The following NUMBL variants were observed in gnomAD, a reference collection of about 807,000 sequenced individuals.
The protein encoded by NUMBL is numb-like protein.
NUMBL carries 20 observed loss-of-function variants against 48.9 expected under a neutral mutation model. The observed-to-expected ratio is 0.41, with a 90% confidence interval of 0.29 to 0.59. The LOEUF is 0.59. Ranked by LOEUF, NUMBL falls within the 20% of genes least tolerant of loss-of-function variation. The probability of loss-of-function intolerance (pLI) is 0.31; values close to 1 mark genes in which losing one functional copy is unlikely to be tolerated. For missense variants in NUMBL, 660 were observed against 846.2 expected, an observed-to-expected ratio of 0.78 and a Z score of 2.73; for synonymous variants, 340 against 348.7, an observed-to-expected ratio of 0.98 and a Z score of 0.28.
At chr19:40,689,098 G>A (rs2081948866) in intron 1 of NUMBL, among the ~76,000 whole-genome samples, 1 of 152,082 alleles carries the variant, frequency 6.6e-6, no homozygotes, top group South Asian at 2.1e-4. Flanking sequence ...GTCACTGGGA[G>A]GGTCACACAT....
chr19:40,673,121 C>T lies in NUMBL; in HGVS notation c.1036+223G>A, dbSNP rs1211902696. ...TAACTTGTGATGCCTTTCTACTATC[C>T]CTTACTCAGAGCAGACACGGCTTAT... is the stretch of plus-strand genomic sequence containing the variant. On this transcript the variant is annotated intron_variant, in intron 8 of 9. Coordinates refer to ENST00000252891, the MANE Select transcript of NUMBL (RefSeq NM_004756.5). The surrounding 1 kb of genome is among the most constrained non-coding windows in gnomAD (Gnocchi z 5.9). 6.6e-6 allele frequency among the ~76,000 whole-genome samples: 1 copy of T among 152,192 alleles called. No homozygotes were observed. Among genetic ancestry groups the T allele is most frequent in the Non-Finnish European group, 1.5e-5 (1 of 68,040 alleles).
In NUMBL at chr19:40,673,296, T is replaced by G. The variant is rs538581450; in HGVS notation, c.1036+48A>C. 2 of 1,536,804 alleles carry G rather than the reference T, an allele frequency of 1.3e-6. No individual in the cohort carries two copies. Among genetic ancestry groups the G allele is most frequent in the Non-Finnish European group, 1.8e-6 (2 of 1,136,408 alleles). ...GCCTCCATCCCTTGCCCACATCAGA[T>G]AGTGCCAATTGATTCCAACGCCGTT... On this transcript the variant is annotated intron_variant, in intron 8 of 9. Coordinates refer to ENST00000252891, the MANE Select transcript of NUMBL (RefSeq NM_004756.5). The surrounding 1 kb of genome is among the most constrained non-coding windows in gnomAD (Gnocchi z 5.9).
chr19:40,682,986 G>C lies in NUMBL; in HGVS notation c.250-18C>G, dbSNP rs765062698. The C allele has an allele frequency of 1.2e-5, 13 of 1,095,878 alleles. No individual in the cohort carries two copies. The East Asian group carries it at 1.4e-4, about 11-fold the overall frequency. 67.9% of individuals were successfully genotyped at this position (1,095,878 alleles called of 1,614,324 possible). A position where few individuals can be genotyped will look rare whatever the true frequency, so the allele number is the denominator to read the frequency against. On this transcript the variant is annotated intron_variant, in intron 3 of 9. Transcript: ENST00000252891. This position sits in a 1 kb window ranked among gnomAD's most constrained non-coding sequence, Gnocchi z 4.0. ...CCCAGGTACTTGGGTTGGAGGGAATGGGGGGGGGGACATGAAACAGCACAG... is the reference window on the plus strand; with the variant it reads ...CCCAGGTACTTGGGTTGGAGGGAATCGGGGGGGGGACATGAAACAGCACAG...
At chr19:40,681,384 G>A (rs909208290) in intron 5 of NUMBL, among the ~76,000 whole-genome samples, 1 of 152,156 alleles carries the variant, frequency 6.6e-6, no homozygotes, top group Non-Finnish European at 1.5e-5. Context: ...AAGGCTTCCT[G>A]GAGCAGGTAC....
In NUMBL at chr19:40,670,329, A is replaced by T. The variant is rs1275546338; in HGVS notation, c.1037-309T>A. Among the ~76,000 whole-genome samples the T allele has an allele frequency of 3.3e-5, 5 of 152,196 alleles. No individual in the cohort carries two copies. In the East Asian group the frequency reaches 9.6e-4, roughly 29 times the overall value. On this transcript the variant is annotated intron_variant, in intron 8 of 9. Transcript: ENST00000252891. Reference sequence around the variant, plus strand: ...AACACTTAGCAACATATATTAGTTTAAAAATATGCCCAACCACGTGCATGG... The same window carrying T: ...AACACTTAGCAACATATATTAGTTTTAAAATATGCCCAACCACGTGCATGG...
chr19:40,683,171 C>G, intron 3 of NUMBL: 2 of 626,506 alleles, frequency 3.2e-6, no homozygotes, highest in Non-Finnish European at 5.8e-6. Context: ...AAGCACAGCA[C>G]GTAGTAGTGA....
Position 40,690,592 on chromosome 19 carries a change from C to G in NUMBL, c.-109G>C. 1 of 585,676 alleles carries G rather than the reference C, an allele frequency of 1.7e-6. No homozygotes were observed. The highest frequency in any genetic ancestry group is 2.5e-6 in the Non-Finnish European group (1 of 404,976). The allele number at this position is 585,676 out of a possible 1,614,324, so 36.3% of individuals were successfully genotyped here. A position where few individuals can be genotyped will look rare whatever the true frequency, so the allele number is the denominator to read the frequency against. On this transcript the variant is annotated 5_prime_UTR_variant, in exon 1 of 10. Transcript: ENST00000252891. ...GCTCGGTCTGACGCCGGCCAGGGCC[C>G]GGGGCCGGGGGATGGTGCGGGATGC...
chr19:40,683,068 AGCACATGATGTGTAT>A, intron 3 of NUMBL, 100 bp from the exon 4 acceptor site: 1 of 1,040,940 alleles, frequency 9.6e-7, no homozygotes, highest in Non-Finnish European at 1.5e-6. Context: ...CAATATTTTA[AGCACATGATGTGTAT>A]GCAATCATTT....
chr19:40,669,668 C>A lies in NUMBL; in HGVS notation c.1159+230G>T, dbSNP rs969866047. Among the ~76,000 whole-genome samples the A allele has an allele frequency of 4.9e-4, 74 of 151,908 alleles. 1 individual carries two copies. The highest frequency in any genetic ancestry group is 1.7e-3 in the African/African-American group (70 of 41,334). On this transcript the variant is annotated intron_variant, in intron 9 of 9. Coordinates refer to ENST00000252891, the MANE Select transcript of NUMBL (RefSeq NM_004756.5). ...AGATGATCCATGGATCTAGGATGAT[C>A]CCCTGGCTCTAAGATGATCCATGGT...
At chr19:40,671,107 G>T (rs1287646900) in intron 8 of NUMBL, among the ~76,000 whole-genome samples, 1 of 152,088 alleles carries the variant, frequency 6.6e-6, no homozygotes, top group East Asian at 1.9e-4. Flanking sequence ...GGGACTACAG[G>T]TGCATGCCAC....
At chr19:40,684,213 C>A (rs2081921396) in intron 3 of NUMBL, 3 of 550,802 alleles carry the variant, frequency 5.4e-6, no homozygotes, top group Admixed American at 3.5e-5. Context: ...GGACTACAGG[C>A]GCCCGCCACC....
intron 1 of NUMBL, among the ~76,000 whole-genome samples, chr19:40,689,760 T>C (rs2081953868): frequency 6.6e-6 from 1 of 151,946 alleles, no homozygotes; most frequent in African/African-American, 2.4e-5. Flanking sequence ...GGGGGTGGCC[T>C]AGGGATCCTG....
chr19:40,690,286 C>A lies in NUMBL; in HGVS notation c.24+174G>T, dbSNP rs368427547. 2.6e-4 allele frequency: 98 copies of A among 382,938 alleles called. 1 individual carries two copies. Among genetic ancestry groups the A allele is most frequent in the East Asian group, 2.4e-3 (61 of 25,612 alleles). 23.7% of individuals were successfully genotyped at this position (382,938 alleles called of 1,614,324 possible). On this transcript the variant is annotated intron_variant, in intron 1 of 9. Transcript: ENST00000252891. The stretch of plus-strand genomic sequence containing the variant: ...ATGGCCCAGGGGTCTGTGCCCAAGA[C>A]CCCGGTCTCCTGGGCTTTGGCTTGT...
At chr19:40,674,590 C>T (rs2081864822) in intron 7 of NUMBL, among the ~76,000 whole-genome samples, 1 of 152,152 alleles carries the variant, frequency 6.6e-6, no homozygotes, top group Non-Finnish European at 1.5e-5. Context: ...ATAAGGATGT[C>T]GCCCAGTGCT....
rs141059156 is a variant in NUMBL at position 40,684,486 on chromosome 19, C to G, written c.180G>C (p.Ala60=). 1 of 1,595,412 alleles carries G rather than the reference C, an allele frequency of 6.3e-7. No individual in the cohort carries two copies. The part of the protein sequence containing the change: ...RRRKPAYVPE[A]SRPHQWQADE... ...CTGCCTGCCACTGGTGCGGGCGCGA[C>G]GCCTCGGGCACGTAGGCTGGCTTCC... is the stretch of plus-strand genomic sequence containing the variant. The change falls in exon 3 of 10, where the codon GCG becomes GCC. Residue 60 remains alanine, a synonymous_variant. Coordinates refer to ENST00000252891, the MANE Select transcript of NUMBL (RefSeq NM_004756.5).
At chr19:40,669,132 T>A (rs2081832511) in intron 9 of NUMBL, among the ~76,000 whole-genome samples, 1 of 152,102 alleles carries the variant, frequency 6.6e-6, no homozygotes, top group Non-Finnish European at 1.5e-5. Context: ...AGATAATTCA[T>A]GGTTCTAAAG....
At position 40,682,985 on chromosome 19, in the gene NUMBL, T is replaced by TGGGG. The variant is rs3833218; in HGVS notation, c.250-21_250-18dup. ...ACCCAGGTACTTGGGTTGGAGGGAA[T>TGGGG]GGGGGGGGGGACATGAAACAGCACA... On this transcript the variant is annotated splice_polypyrimidine_tract_variant and intron_variant, in intron 3 of 9. Coordinates refer to ENST00000252891, the MANE Select transcript of NUMBL (RefSeq NM_004756.5). This position sits in a 1 kb window ranked among gnomAD's most constrained non-coding sequence, Gnocchi z 4.0. 4.8e-5 allele frequency: 70 copies of TGGGG among 1,444,136 alleles called. No homozygotes were observed. In the African/African-American group the frequency reaches 9.9e-4, roughly 20 times the overall value. 89.5% of individuals were successfully genotyped at this position (1,444,136 alleles called of 1,614,324 possible).
chr19:40,667,381 C>T lies in NUMBL; in HGVS notation c.*87G>A, dbSNP rs919832912. The T allele has an allele frequency of 4.2e-5, 65 of 1,533,546 alleles. No homozygotes were observed. Among genetic ancestry groups the T allele is most frequent in the Non-Finnish European group, 2.9e-5 (33 of 1,142,998 alleles). The allele number at this position is 1,533,546 out of a possible 1,614,324, so 95.0% of individuals were successfully genotyped here. A position where few individuals can be genotyped will look rare whatever the true frequency, so the allele number is the denominator to read the frequency against. ...TGAGAGGGTGTTGAGGGGCGCAGCCCCAGGGAGCAGGGTTAGGGGAGAGGT... is the reference window on the plus strand; with the variant it reads ...TGAGAGGGTGTTGAGGGGCGCAGCCTCAGGGAGCAGGGTTAGGGGAGAGGT... On this transcript the variant is annotated 3_prime_UTR_variant, in exon 10 of 10. Transcript: ENST00000252891. The surrounding 1 kb of genome is among the most constrained non-coding windows in gnomAD (Gnocchi z 6.1).
Position 40,667,582 on chromosome 19 carries a change from T to C in NUMBL, c.1716A>G (p.Pro572=). 1 of 1,556,772 alleles carries C rather than the reference T, an allele frequency of 6.4e-7. No homozygotes were observed. Among genetic ancestry groups the C allele is most frequent in the Non-Finnish European group, 8.7e-7 (1 of 1,149,976 alleles). Residue 572 remains proline (P), a synonymous_variant, in exon 10 of 10, where the codon CCA becomes CCG. Transcript: ENST00000252891. This position sits in a 1 kb window ranked among gnomAD's most constrained non-coding sequence, Gnocchi z 6.1. ...ACTGGGCCTCAAAGGGGTCCAACTC[T>C]GGAGCTGGGGCAGGCGCTGGCTCAG... The part of the protein sequence containing the change: ...WPPEPAPAPA[P]ELDPFEAQWA...
Sources: allele counts gnomAD v4.1 joint callset (sites outside exome capture counted in the v4.1 genomes callset), GRCh38; gene constraint gnomAD v4.1.1; non-coding constraint Gnocchi (gnomAD v3.1); transcripts MANE v1.5; gene names NCBI Gene and HGNC (gene_info 2026-07-23, HGNC 2026-07-21).